Variants in RIPK1 observed in about 807,000 individuals in gnomAD.
RIPK1 encodes the protein receptor interacting serine/threonine kinase 1.
Under a neutral mutation model 62.4 loss-of-function variants are expected in RIPK1, and 27 were observed. That is an observed-to-expected ratio of 0.43 (90% CI 0.32 to 0.60). RIPK1 has a LOEUF of 0.60. RIPK1 is among the 20% of genes least tolerant of loss of function. The pLI is 0.07. For missense variants in RIPK1, 735 were observed against 831.0 expected, an observed-to-expected ratio of 0.88 and a Z score of 1.42; for synonymous variants, 287 against 303.2, an observed-to-expected ratio of 0.95 and a Z score of 0.55.
intron 7 of RIPK1, among the ~76,000 whole-genome samples, chr6:3,096,162 A>G (rs1347269449): frequency 2.6e-5 from 4 of 152,218 alleles, no homozygotes; most frequent in Admixed American, 1.3e-4. Flanking sequence ...ATAATATGCA[A>G]GACCAAGCTA....
intron 7 of RIPK1, among the ~76,000 whole-genome samples, chr6:3,094,803 G>A (rs1760198376): frequency 6.6e-6 from 1 of 152,008 alleles, no homozygotes; most frequent in Admixed American, 6.6e-5. Flanking sequence ...CCAGGTGTGA[G>A]GTAATCCCAG....
upstream of RIPK1, among the ~76,000 whole-genome samples, chr6:3,066,502 A>G (rs894530629): frequency 6.6e-6 from 1 of 152,222 alleles, no homozygotes; most frequent in African/African-American, 2.4e-5. Flanking sequence ...TGCTGAGTGA[A>G]TAGCTCTGCC....
intron 4 of RIPK1, among the ~76,000 whole-genome samples, chr6:3,081,470 C>T (rs1759377913): frequency 6.6e-6 from 1 of 152,156 alleles, no homozygotes; most frequent in Non-Finnish European, 1.5e-5. Context: ...ATAATGTTCT[C>T]CAGGAAATCT....
intron 9 of RIPK1, among the ~76,000 whole-genome samples, chr6:3,107,192 C>A (rs1250609035): frequency 6.6e-6 from 1 of 150,808 alleles, no homozygotes; most frequent in Non-Finnish European, 1.5e-5. Flanking sequence ...ACAGACGTTG[C>A]AGTGAGCTGA....
rs1758509779 is a variant in RIPK1 at position 3,068,643 on chromosome 6, G to C, written c.-79G>C. 1.7e-5 allele frequency: 17 copies of C among 985,170 alleles called. No homozygotes were observed. Among genetic ancestry groups the C allele is most frequent in the Admixed American group, 6.2e-5 (1 of 16,250 alleles). 61.0% of individuals were successfully genotyped at this position (985,170 alleles called of 1,614,324 possible). On this transcript the variant is annotated 5_prime_UTR_variant, in exon 1 of 11. Coordinates refer to ENST00000259808, the MANE Select transcript of RIPK1 (RefSeq NM_001354930.2). ...GCGGCAGGACTTGGCTGGACGGCGCGGCCACGGAGAAGGGCGCGGTGAGCG... is the reference window on the plus strand; with the variant it reads ...GCGGCAGGACTTGGCTGGACGGCGCCGCCACGGAGAAGGGCGCGGTGAGCG...
chr6:3,097,201 G>A (rs895623378), intron 7 of RIPK1, among the ~76,000 whole-genome samples: 2 of 152,138 alleles, frequency 1.3e-5, no homozygotes, highest in African/African-American at 4.8e-5. Context: ...TTGTGTGTGT[G>A]TGGCAAGTGG....
rs576717124 is a variant in RIPK1 at position 3,108,181 on chromosome 6, G to C, written c.1576+2130G>C. Among the ~76,000 whole-genome samples the C allele has an allele frequency of 1.2e-4, 18 of 151,974 alleles. 1 individual carries two copies. The South Asian group carries it at 3.3e-3, about 28-fold the overall frequency. ...CTGCTTTTTATTCACTGTGCTGCTT[G>C]AAGTGAGGTTAGAAAAGGAAAGCTC... On this transcript the variant is annotated intron_variant, in intron 9 of 10. Transcript: ENST00000259808.
At chr6:3,088,905 C>G (rs1243419438) in intron 6 of RIPK1, 1 of 152,098 alleles carries the variant, frequency 6.6e-6, no homozygotes, top group African/African-American at 2.4e-5. Flanking sequence ...TTATCTGTGG[C>G]TCTTGATGGT....
chr6:3,106,086 T>A lies in RIPK1; in HGVS notation c.1576+35T>A, dbSNP rs185712910. The A allele has an allele frequency of 1.1e-4, 155 of 1,458,104 alleles. 3 individuals carry two copies. In the Admixed American group the frequency reaches 1.4e-3, roughly 13 times the overall value. The allele number at this position is 1,458,104 out of a possible 1,614,324, so 90.3% of individuals were successfully genotyped here. A position where few individuals can be genotyped will look rare whatever the true frequency, so the allele number is the denominator to read the frequency against. On this transcript the variant is annotated intron_variant, in intron 9 of 10. Coordinates refer to ENST00000259808, the MANE Select transcript of RIPK1 (RefSeq NM_001354930.2). ...TCTTCGATAGTCACAAGCTTGTCTT[T>A]TTTTATTTTTCAGAAAATACAGCAA...
chr6:3,069,283 A>T (rs772414299), intron 1 of RIPK1, among the ~76,000 whole-genome samples: 4 of 152,210 alleles, frequency 2.6e-5, no homozygotes, highest in African/African-American at 4.8e-5. Context: ...AGGTTCCAAA[A>T]ACAAAAGCAT....
intron 7 of RIPK1, among the ~76,000 whole-genome samples, chr6:3,090,579 G>A (rs1303533885): frequency 6.6e-6 from 1 of 151,844 alleles, no homozygotes; most frequent in Non-Finnish European, 1.5e-5. Context: ...CCAGCCAAAA[G>A]TGACAGAACT....
rs556351696 is a variant in RIPK1 at position 3,070,017 on chromosome 6, AAAAT to A, written c.-61+1364_-61+1367del. Among the ~76,000 whole-genome samples, 28 of 152,094 alleles carry A rather than the reference AAAAT, an allele frequency of 1.8e-4. No individual in the cohort carries two copies. In the East Asian group the frequency reaches 2.1e-3, roughly 12 times the overall value. On this transcript the variant is annotated intron_variant, in intron 1 of 10. Transcript: ENST00000259808. ...AGAGGGAGACTCTGTATCAAAAAAA[AAAAT>A]AAATAAAGAAATGGGGAATACTGCA...
upstream of RIPK1, among the ~76,000 whole-genome samples, chr6:3,066,109 C>A (rs540045378): frequency 6.6e-5 from 10 of 152,288 alleles, 1 homozygote; most frequent in African/African-American, 2.4e-4. Context: ...CTGCAACCTC[C>A]GCCTTCTGGG....
chr6:3,083,166 G>A lies in RIPK1; in HGVS notation c.541G>A (p.Gly181Ser), dbSNP rs115041708. 52 of 1,614,010 alleles carry A rather than the reference G, an allele frequency of 3.2e-5. No homozygotes were observed. The Admixed American group carries it at 7.2e-4, about 22-fold the overall frequency. The change falls in exon 5 of 11, where the codon GGC becomes AGC. Residue 181 changes from glycine to serine, a missense_variant. By Grantham distance (56) the Gly-to-Ser change is moderately conservative (BLOSUM62 0). This residue lies in a region of RIPK1 where 671 missense variants were observed against 726.2 expected (regional missense o/e 0.92). Coordinates refer to ENST00000259808, the MANE Select transcript of RIPK1 (RefSeq NM_001354930.2). ...EEHNELREVDGTAKKNGGTLY... is the reference protein window; with the variant it reads ...EEHNELREVDSTAKKNGGTLY... The stretch of plus-strand genomic sequence containing the variant: ...GCACAATGAGCTGAGGGAAGTGGAC[G>A]GCACCGCTAAGAAGAATGGCGGCAC...
chr6:3,087,413 GT>G (rs963499765), intron 6 of RIPK1, among the ~76,000 whole-genome samples: 1 of 106,592 alleles, frequency 9.4e-6, no homozygotes, highest in African/African-American at 1.4e-4. Context: ...GAGGCTTTGT[GT>G]TTTTTTTGTT....
At chr6:3,067,158 A>G (rs1758418461), upstream of RIPK1, among the ~76,000 whole-genome samples, 1 of 146,776 alleles carries the variant, frequency 6.8e-6, no homozygotes. Flanking sequence ...CCATTAAGTG[A>G]TATCTTGGAT....
upstream of RIPK1, among the ~76,000 whole-genome samples, chr6:3,066,870 A>G (rs1758401482): frequency 6.6e-6 from 1 of 152,038 alleles, no homozygotes; most frequent in African/African-American, 2.4e-5. Context: ...TGCCCTAAAA[A>G]TCCCTTGTGC....
In RIPK1 at chr6:3,083,318, G is replaced by A. The variant is rs1561755004; in HGVS notation, c.688+5G>A. 2 of 1,608,102 alleles carry A rather than the reference G, an allele frequency of 1.2e-6. No individual in the cohort carries two copies. Among genetic ancestry groups the A allele is most frequent in the Non-Finnish European group, 8.5e-7 (1 of 1,177,972 alleles). On this transcript the variant is annotated splice_donor_5th_base_variant and intron_variant, in intron 5 of 10. Transcript: ENST00000259808. ...CAAATAAGGAGCCATATGAAAGTAA[G>A]GCATTACTTACTTTCCACTGCCGTC...
At chr6:3,088,568 C>T (rs1185069156) in intron 6 of RIPK1, 2 of 152,342 alleles carry the variant, frequency 1.3e-5, no homozygotes, top group Non-Finnish European at 2.9e-5. Flanking sequence ...CTGACATTAC[C>T]CCGGTGGGGG....
Sources: gnomAD v4.1 joint callset for allele counts (sites outside exome capture counted in the v4.1 genomes callset) on GRCh38, gnomAD v4.1.1 for gene constraint, gnomAD v4.1.1 regional missense constraint, MANE v1.5 for transcripts, NCBI Gene and HGNC (gene_info 2026-07-23, HGNC 2026-07-21) for gene names.